Variants in PCNX1 observed in about 807,000 individuals in gnomAD.
PCNX1 encodes the protein pecanex-like protein 1.
A neutral mutation model predicts 242.2 loss-of-function variants in PCNX1; 78 were observed. The ratio of observed to expected loss-of-function variants is 0.32; its 90% CI spans 0.27 to 0.39. The LOEUF (loss-of-function observed/expected upper bound fraction) is 0.39. Ranked by LOEUF, PCNX1 falls within the 10% of genes least tolerant of loss-of-function variation. The probability of loss-of-function intolerance (pLI) is 1.00; values close to 1 mark genes in which losing one functional copy is unlikely to be tolerated. For missense variants in PCNX1, 2,581 were observed against 2,856.5 expected (o/e 0.90, Z 2.20); for synonymous variants, 1,024 against 1,032.9 (o/e 0.99, Z 0.17).
At chr14:71,088,230 CT>C (rs2062041344) in intron 28 of PCNX1, 99 bp from the exon 29 acceptor site, 1 of 595,386 alleles carries the variant, frequency 1.7e-6, no homozygotes, top group East Asian at 2.9e-5. Flanking sequence ...AAATTATGTA[CT>C]CTTTGAATTC....
intron 1 of PCNX1, among the ~76,000 whole-genome samples, chr14:70,940,220 A>G (rs1215487932): frequency 6.6e-6 from 1 of 152,166 alleles, no homozygotes; most frequent in East Asian, 1.9e-4. Context: ...GTTTCTTCCT[A>G]GCATCAATGG....
intron 5 of PCNX1, among the ~76,000 whole-genome samples, chr14:70,970,601 C>G (rs1159704944): frequency 6.6e-6 from 1 of 152,010 alleles, no homozygotes; most frequent in East Asian, 1.9e-4. Flanking sequence ...ACGAATCTAC[C>G]CTTGCAACTA....
rs749922436 is a variant in PCNX1, at chr14:71,013,117, A to G, written c.2911A>G (p.Lys971Glu). The G allele has an allele frequency of 7.4e-6, 12 of 1,614,034 alleles. No homozygotes were observed. Among genetic ancestry groups the G allele is most frequent in the Non-Finnish European group, 1.0e-5 (12 of 1,180,012 alleles). The change falls in exon 11 of 36, where the codon AAA becomes GAA. Residue 971 changes from lysine (K) to glutamate (E), a missense_variant. Coordinates refer to ENST00000304743, the MANE Select transcript of PCNX1 (RefSeq NM_014982.3). ...AACAGAAGAAGCTGCCCAAAAGGTT[A>G]AACACTATTATCGCTTTTGGATCCT... ...GPTEEAAQKVKHYYRFWILPQ... is the reference protein window; with the variant it reads ...GPTEEAAQKVEHYYRFWILPQ...
At chr14:71,050,176 T>A (rs1160912827) in intron 22 of PCNX1, among the ~76,000 whole-genome samples, 1 of 151,124 alleles carries the variant, frequency 6.6e-6, no homozygotes, top group African/African-American at 2.4e-5. Flanking sequence ...TTTTTTTTTA[T>A]TTATTATTAT....
chr14:71,065,454 T>A (rs1181596379), intron 26 of PCNX1, among the ~76,000 whole-genome samples: 1 of 152,240 alleles, frequency 6.6e-6, no homozygotes, highest in East Asian at 1.9e-4. Flanking sequence ...TTGCCCATTT[T>A]TCGATGGGGT....
At chr14:70,973,234 C>G (rs1296444903) in intron 5 of PCNX1, among the ~76,000 whole-genome samples, 1 of 138,526 alleles carries the variant, frequency 7.2e-6, no homozygotes, top group Non-Finnish European at 1.5e-5. Context: ...GCCTGAGTGA[C>G]AGAGCAACAC....
Position 71,110,002 on chromosome 14 carries a change from A to G in PCNX1, c.*67A>G. ...TCCAAGGCATTGGAAAAAGAGAGGA[A>G]CAAGCAGAAGATGCCTGCAGGTATC... On this transcript the variant is annotated 3_prime_UTR_variant, in exon 36 of 36. Coordinates refer to ENST00000304743, the MANE Select transcript of PCNX1 (RefSeq NM_014982.3). The G allele has an allele frequency of 2.8e-6, 4 of 1,423,022 alleles. No homozygotes were observed. Among genetic ancestry groups the G allele is most frequent in the Non-Finnish European group, 4.0e-6 (4 of 1,008,286 alleles). The allele number at this position is 1,423,022 out of a possible 1,614,324, so 88.1% of individuals were successfully genotyped here. A position where few individuals can be genotyped will look rare whatever the true frequency, so the allele number is the denominator to read the frequency against.
intron 30 of PCNX1, among the ~76,000 whole-genome samples, chr14:71,101,432 G>T (rs968642803): frequency 3.3e-5 from 5 of 152,170 alleles, no homozygotes; most frequent in African/African-American, 9.7e-5. Context: ...TTAAGACCAA[G>T]ATACTTTTCA....
intron 8 of PCNX1, among the ~76,000 whole-genome samples, chr14:71,002,527 G>C (rs887083616): frequency 2.6e-5 from 4 of 152,174 alleles, no homozygotes; most frequent in African/African-American, 9.7e-5. Flanking sequence ...CCATCTCTCT[G>C]CTGCCTCTGG....
chr14:70,922,326 A>G (rs2056409803), intron 1 of PCNX1, among the ~76,000 whole-genome samples: 1 of 152,180 alleles, frequency 6.6e-6, no homozygotes, highest in African/African-American at 2.4e-5. Context: ...TTTAATAGGT[A>G]TTAGACAAAA....
chr14:71,090,436 T>G (rs1391750129), intron 30 of PCNX1, among the ~76,000 whole-genome samples: 2 of 152,204 alleles, frequency 1.3e-5, no homozygotes, highest in African/African-American at 2.4e-5. Flanking sequence ...GTCATTATAG[T>G]ATAATCTAAA....
At chr14:71,076,444 C>G (rs2141471480) in intron 28 of PCNX1, 25 bp downstream of exon 28, 1 of 1,465,752 alleles carries the variant, frequency 6.8e-7, no homozygotes, top group East Asian at 2.3e-5. Flanking sequence ...ATTTATAACT[C>G]TTTGAATCCA....
chr14:70,997,661 G>A (rs571997580), intron 8 of PCNX1, among the ~76,000 whole-genome samples: 5 of 152,112 alleles, frequency 3.3e-5, no homozygotes, highest in South Asian at 2.1e-4. Context: ...TCGCTCTATC[G>A]TATTTGAATG....
At chr14:71,003,536 T>A (rs1018252108) in intron 8 of PCNX1, among the ~76,000 whole-genome samples, 2 of 152,204 alleles carry the variant, frequency 1.3e-5, no homozygotes, top group Non-Finnish European at 2.9e-5. Flanking sequence ...GTCATCAATG[T>A]CGTTATTATA....
At chr14:71,030,852 G>C (rs995153915) in intron 16 of PCNX1, among the ~76,000 whole-genome samples, 1 of 152,048 alleles carries the variant, frequency 6.6e-6, no homozygotes, top group Non-Finnish European at 1.5e-5. Flanking sequence ...CATCATAAAT[G>C]AGGTCCTGAG....
chr14:71,045,202 C>G lies in PCNX1; in HGVS notation c.3937C>G (p.Gln1313Glu). 2 of 1,613,180 alleles carry G rather than the reference C, an allele frequency of 1.2e-6. No individual in the cohort carries two copies. The highest frequency in any genetic ancestry group is 1.7e-6 in the Non-Finnish European group (2 of 1,179,216). ...TTTTGTAACCCATTATGTGCTGCCT[C>G]AAGTTAGAAAACAGCTACCATGGCA... The part of the protein sequence containing the change: ...VGFVTHYVLP[Q>E]VRKQLPWHCF... Residue 1313 changes from glutamine (Q) to glutamate (E), a missense_variant, in exon 20 of 36, where the codon CAA becomes GAA. Physicochemically the swap from Gln to Glu is conservative, Grantham distance 29. This residue lies in a region of PCNX1 where 432 missense variants were observed against 443.1 expected (regional missense o/e 0.97). Transcript: ENST00000304743.
At chr14:71,011,018 T>A (rs2059807278) in intron 9 of PCNX1, among the ~76,000 whole-genome samples, 1 of 152,126 alleles carries the variant, frequency 6.6e-6, no homozygotes, top group Admixed American at 6.5e-5. Flanking sequence ...CCATGTTTAA[T>A]GTAGTTCAAG....
intron 26 of PCNX1, among the ~76,000 whole-genome samples, chr14:71,059,907 ATT>A (rs1250625932): frequency 6.6e-6 from 1 of 152,098 alleles, no homozygotes; most frequent in Non-Finnish European, 1.5e-5. Flanking sequence ...GATGTGCTAA[ATT>A]CTTTACTAAG....
chr14:71,107,703 G>C (rs1480712608), intron 33 of PCNX1, among the ~76,000 whole-genome samples: 1 of 152,154 alleles, frequency 6.6e-6, no homozygotes, highest in Non-Finnish European at 1.5e-5. Flanking sequence ...GAAAATTACA[G>C]CGTGGTATTC....
Sources: gnomAD v4.1 joint callset for allele counts (sites outside exome capture counted in the v4.1 genomes callset) on GRCh38, gnomAD v4.1.1 for gene constraint, gnomAD v4.1.1 regional missense constraint, MANE v1.5 for transcripts, NCBI Gene and HGNC (gene_info 2026-07-23, HGNC 2026-07-21) for gene names.